HLA-DPA1: variants seen among roughly 807,000 people sequenced by gnomAD.
HLA-DPA1 encodes the protein HLA class II histocompatibility antigen, DP alpha 1 chain.
In HLA-DPA1, 20 loss-of-function variants were observed where a neutral mutation model predicts 21.5. That is an observed-to-expected ratio of 0.93 (90% CI 0.66 to 1.35). The LOEUF is 1.35. Ranked by LOEUF, HLA-DPA1 falls within the 40% of genes most tolerant of loss-of-function variation. The pLI is 0.00. For missense variants in HLA-DPA1, 279 were observed against 323.0 expected, an observed-to-expected ratio of 0.86 and a Z score of 1.05; for synonymous variants, 123 against 129.6, an observed-to-expected ratio of 0.95 and a Z score of 0.35.
intron 1 of HLA-DPA1, among the ~76,000 whole-genome samples, chr6:33,078,243 T>G (rs1762654628): frequency 1.3e-5 from 2 of 152,050 alleles, no homozygotes; most frequent in Non-Finnish European, 2.9e-5. Context: ...AGTGGAGCCA[T>G]GTGACAGGGA....
At chr6:33,076,411 T>A (rs2071352) in intron 1 of HLA-DPA1, among the ~76,000 whole-genome samples, 29,899 of 152,068 alleles carry the variant, frequency 0.2, 3,602 homozygotes, top group African/African-American at 0.33. Flanking sequence ...CAAGAGGTCC[T>A]GGATAACCTT....
chr6:33,071,920 T>C (rs113408492), intron 2 of HLA-DPA1, among the ~76,000 whole-genome samples: 1 of 151,980 alleles, frequency 6.6e-6, no homozygotes, highest in Non-Finnish European at 1.5e-5. Flanking sequence ...ATTTGTGGAT[T>C]ATGGGTGGTC....
At chr6:33,068,866 G>T (rs144280705) in intron 4 of HLA-DPA1, 62 bp from the exon 4 acceptor site, 7 of 1,580,510 alleles carry the variant, frequency 4.4e-6, no homozygotes, top group African/African-American at 4.1e-5. Flanking sequence ...GGCCTGGGAT[G>T]GTTGTGGGAA....
chr6:33,080,718 G>A, upstream of HLA-DPA1: 1 of 1,613,502 alleles, frequency 6.2e-7, no homozygotes, highest in Non-Finnish European at 8.5e-7. This position sits in a 1 kb window ranked among gnomAD's most constrained non-coding sequence, Gnocchi z 4.3. Flanking sequence ...CGTTTAATGG[G>A]ACACAGCGCT....
chr6:33,080,201 A>G lies in HLA-DPA1; in HGVS notation c.-100+479T>C, dbSNP rs2856824. Among the ~76,000 whole-genome samples the G allele has an allele frequency of 0.024, 3,609 of 152,310 alleles. 87 individuals carry two copies. The highest frequency in any genetic ancestry group is 0.066 in the African/African-American group (2,749 of 41,556). On this transcript the variant is annotated intron_variant, in intron 1 of 5. Coordinates refer to ENST00000419277, the Ensembl canonical transcript of HLA-DPA1. The surrounding 1 kb of genome is among the most constrained non-coding windows in gnomAD (Gnocchi z 4.3). ...AGAGCGCTTAGCTATGGAAAAGAGA[A>G]AGAAGGAAGGGAGGGCTTCCTGGAG...
chr6:33,074,968 T>C (rs777581661), intron 1 of HLA-DPA1, among the ~76,000 whole-genome samples: 1 of 152,238 alleles, frequency 6.6e-6, no homozygotes, highest in Non-Finnish European at 1.5e-5. Context: ...CATTTTAATA[T>C]TGATTTAAAG....
exon 5 of HLA-DPA1, chr6:33,068,658 T>G (rs1126769): frequency 0.21 from 341,654 of 1,607,490 alleles, 47,124 homozygotes; most frequent in East Asian, 0.64. Flanking sequence ...TTTCACAGGG[T>G]CCCCTGGGCC....
chr6:33,078,036 G>A (rs578075276), intron 1 of HLA-DPA1, among the ~76,000 whole-genome samples: 4 of 152,152 alleles, frequency 2.6e-5, no homozygotes, highest in Non-Finnish European at 4.4e-5. Flanking sequence ...ACTGAACAGT[G>A]TCAGGAGGAA....
In HLA-DPA1 at chr6:33,071,641, T is replaced by C. The variant is rs577334778; in HGVS notation, c.101-1755A>G. On this transcript the variant is annotated intron_variant, in intron 2 of 5. Transcript: ENST00000419277. ...ATACGTCCTGTTCTGCAGACGCGTA[T>C]AAGTCACAGAAGGAAACACAAGTGA... is the stretch of plus-strand genomic sequence containing the variant. 2.3e-3 allele frequency among the ~76,000 whole-genome samples: 351 copies of C among 152,018 alleles called. 1 individual carries two copies. Among genetic ancestry groups the C allele is most frequent in the East Asian group, 0.02 (104 of 5,146 alleles).
intron 1 of HLA-DPA1, among the ~76,000 whole-genome samples, chr6:33,074,698 A>G (rs750785087): frequency 2.0e-4 from 30 of 152,212 alleles, no homozygotes; most frequent in Non-Finnish European, 2.1e-4. Flanking sequence ...TGCATGCATT[A>G]CCTCATTTAA....
At chr6:33,075,750 A>G (rs1762503967) in intron 1 of HLA-DPA1, among the ~76,000 whole-genome samples, 1 of 152,184 alleles carries the variant, frequency 6.6e-6, no homozygotes, top group African/African-American at 2.4e-5. Flanking sequence ...CTCCCCAAAC[A>G]TCATGACTTA....
At chr6:33,073,923 G>A (rs781114716) in intron 1 of HLA-DPA1, among the ~76,000 whole-genome samples, 59 of 152,152 alleles carry the variant, frequency 3.9e-4, no homozygotes, top group African/African-American at 9.2e-4. Context: ...CTTCTCCCGA[G>A]CCCCACCCCC....
At chr6:33,077,545 T>C (rs1292297500) in intron 1 of HLA-DPA1, among the ~76,000 whole-genome samples, 1 of 152,118 alleles carries the variant, frequency 6.6e-6, no homozygotes, top group Non-Finnish European at 1.5e-5. Context: ...CATTAAAAAG[T>C]CAGGAAACAA....
intron 5 of HLA-DPA1, chr6:33,066,994 A>G (rs1761989227): frequency 6.6e-6 from 1 of 152,218 alleles, no homozygotes; most frequent in Non-Finnish European, 1.5e-5. Flanking sequence ...CATTCTGATG[A>G]GAAGATGAGC....
chr6:33,068,389 T>C (rs367778676), intron 5 of HLA-DPA1: 28 of 420,904 alleles, frequency 6.7e-5, no homozygotes, highest in African/African-American at 4.7e-4. Flanking sequence ...TAAGTATCTC[T>C]CATGTGAAAT....
intron 5 of HLA-DPA1, 83 bp downstream of exon 4, chr6:33,068,555 G>A: frequency 8.9e-7 from 1 of 1,122,250 alleles, no homozygotes; most frequent in Non-Finnish European, 1.3e-6. Context: ...CCCATTAGAA[G>A]ATCAATGAAC....
chr6:33,077,184 C>A (rs1487668749), intron 1 of HLA-DPA1, among the ~76,000 whole-genome samples: 2 of 150,818 alleles, frequency 1.3e-5, no homozygotes, highest in African/African-American at 4.9e-5. Context: ...GTTTTTTGTC[C>A]TTGCAATAGT....
At chr6:33,073,640 A>G (rs1048486198) in exon 2 of HLA-DPA1, 74 of 1,077,568 alleles carry the variant, frequency 6.9e-5, no homozygotes, top group Admixed American at 8.5e-5. Flanking sequence ...GAGTGGAGGC[A>G]GATGAGACTG....
intron 1 of HLA-DPA1, chr6:33,076,021 T>C: frequency 6.3e-7 from 1 of 1,593,548 alleles, no homozygotes; most frequent in Non-Finnish European, 8.6e-7. Flanking sequence ...TCTTTTCATT[T>C]TGCCATCCTT....
Sources: gnomAD v4.1 joint callset for allele counts (sites outside exome capture counted in the v4.1 genomes callset) on GRCh38, gnomAD v4.1.1 for gene constraint, Gnocchi (gnomAD v3.1) non-coding constraint, MANE v1.5 for transcripts, NCBI Gene and HGNC (gene_info 2026-07-23, HGNC 2026-07-21) for gene names.